Variants in ELMO1 observed in about 807,000 individuals in gnomAD.
ELMO1 encodes engulfment and cell motility protein 1.
Under a neutral mutation model 98.9 loss-of-function variants are expected in ELMO1, and 26 were observed. The observed-to-expected ratio is 0.26, with a 90% CI of 0.19 to 0.36. ELMO1 has a LOEUF of 0.36. Among genes scored for constraint, ELMO1 ranks in the 10% least tolerant of loss-of-function variants. The probability of loss-of-function intolerance (pLI) is 1.00; values close to 1 mark genes in which losing one functional copy is unlikely to be tolerated. For synonymous variants in ELMO1, 346 were observed against 346.0 expected, an observed-to-expected ratio of 1.00 and a Z score of 0.00; for missense variants, 627 against 935.2, an observed-to-expected ratio of 0.67 and a Z score of 4.30.
intron 13 of ELMO1, among the ~76,000 whole-genome samples, chr7:37,155,492 A>AT (rs1554427463): frequency 2.3e-4 from 34 of 148,132 alleles, no homozygotes; most frequent in Admixed American, 3.4e-4. Context: ...GAAAGCAAAA[A>AT]AAAAAAAAAA....
chr7:37,331,726 G>C (rs549955230), intron 2 of ELMO1, among the ~76,000 whole-genome samples: 3 of 152,094 alleles, frequency 2.0e-5, no homozygotes, highest in Admixed American at 6.5e-5. Context: ...AGATGTGACC[G>C]AGACCAGATG....
chr7:37,121,210 C>T (rs1020975031), intron 14 of ELMO1, among the ~76,000 whole-genome samples: 1 of 152,168 alleles, frequency 6.6e-6, no homozygotes, highest in Non-Finnish European at 1.5e-5. Flanking sequence ...TTCTAAAAAT[C>T]AGAGCGCCTC....
intron 8 of ELMO1, among the ~76,000 whole-genome samples, chr7:37,229,762 G>A (rs1283137881): frequency 2.6e-5 from 4 of 152,096 alleles, no homozygotes; most frequent in African/African-American, 7.2e-5. Context: ...TCATGTAACA[G>A]ATCTCTAAGT....
At chr7:37,369,429 A>G (rs1289652251) in intron 1 of ELMO1, among the ~76,000 whole-genome samples, 2 of 152,168 alleles carry the variant, frequency 1.3e-5, no homozygotes, top group Admixed American at 6.6e-5. Context: ...AAGCATTTCA[A>G]ATTTTGGATT....
chr7:37,392,328 C>T (rs1342872360), intron 1 of ELMO1, among the ~76,000 whole-genome samples: 2 of 152,144 alleles, frequency 1.3e-5, no homozygotes, highest in Non-Finnish European at 2.9e-5. Flanking sequence ...AATAAAGTGG[C>T]ATATGCCTCT....
intron 15 of ELMO1, among the ~76,000 whole-genome samples, chr7:37,047,455 C>T (rs973666759): frequency 2.0e-5 from 3 of 152,192 alleles, no homozygotes; most frequent in Non-Finnish European, 2.9e-5. Flanking sequence ...CTTACAAGCA[C>T]GAGAGATATG....
At chr7:36,888,201 C>T (rs779468018) in intron 17 of ELMO1, among the ~76,000 whole-genome samples, 2 of 152,146 alleles carry the variant, frequency 1.3e-5, no homozygotes, top group Admixed American at 6.5e-5. Flanking sequence ...ACAACACTGT[C>T]CCAGATTCTA....
intron 16 of ELMO1, among the ~76,000 whole-genome samples, chr7:36,945,650 T>A (rs1470902428): frequency 6.6e-6 from 1 of 152,132 alleles, no homozygotes; most frequent in Non-Finnish European, 1.5e-5. Flanking sequence ...ATCGGGCAAA[T>A]TTCCCCAGTG....
chr7:37,391,308 G>C (rs1019099922), intron 1 of ELMO1, among the ~76,000 whole-genome samples: 13 of 151,978 alleles, frequency 8.6e-5, no homozygotes, highest in Non-Finnish European at 1.8e-4. Context: ...GTAGAGATGG[G>C]GTTTCACCAT....
chr7:36,990,947 G>A (rs187110958), intron 16 of ELMO1, among the ~76,000 whole-genome samples: 242 of 152,090 alleles, frequency 1.6e-3, no homozygotes, highest in African/African-American at 5.2e-3. Flanking sequence ...TCCATTTACC[G>A]GGCACTAAGA....
At chr7:37,304,257 C>T (rs527633811) in intron 4 of ELMO1, among the ~76,000 whole-genome samples, 14 of 152,108 alleles carry the variant, frequency 9.2e-5, no homozygotes, top group African/African-American at 3.4e-4. Context: ...AGAGGGGTGA[C>T]GATGATGGAA....
intron 16 of ELMO1, among the ~76,000 whole-genome samples, chr7:36,998,578 A>C (rs1792395464): frequency 6.6e-6 from 1 of 152,022 alleles, no homozygotes; most frequent in Non-Finnish European, 1.5e-5. Context: ...TCTATCTTGC[A>C]TGTATGTTCA....
intron 1 of ELMO1, among the ~76,000 whole-genome samples, chr7:37,444,458 T>C (rs1236204137): frequency 6.6e-6 from 1 of 152,226 alleles, no homozygotes; most frequent in Non-Finnish European, 1.5e-5. Context: ...CTTGAGTTTC[T>C]AGTTCCTCCA....
chr7:37,365,746 C>G (rs560971347), intron 1 of ELMO1, among the ~76,000 whole-genome samples: 1 of 152,218 alleles, frequency 6.6e-6, no homozygotes, highest in Non-Finnish European at 1.5e-5. Flanking sequence ...TCCTTTCTTT[C>G]AGTCACTTAA....
intron 16 of ELMO1, among the ~76,000 whole-genome samples, chr7:36,972,369 G>T (rs1402177261): frequency 2.6e-5 from 4 of 152,244 alleles, no homozygotes; most frequent in Non-Finnish European, 5.9e-5. Context: ...TCCATGAAAA[G>T]AATCTGTGCT....
rs1482331064 is a variant in ELMO1 at position 36,853,079 on chromosome 7, T to TG, written c.*2471dup. Among the ~76,000 whole-genome samples the TG allele has an allele frequency of 6.6e-6, 1 of 151,952 alleles. No individual in the cohort carries two copies. Among genetic ancestry groups the TG allele is most frequent in the Non-Finnish European group, 1.5e-5 (1 of 67,988 alleles). On this transcript the variant is annotated 3_prime_UTR_variant, in exon 22 of 22. Coordinates refer to ENST00000310758, the MANE Select transcript of ELMO1 (RefSeq NM_014800.11). ...AGTTGGAGGTGGTAGGCTCATTGCA[T>TG]GGGAAAAAAAGCCTTGGGCAGCCTG...
intron 2 of ELMO1, among the ~76,000 whole-genome samples, chr7:37,330,494 G>A (rs532701384): frequency 4.6e-5 from 7 of 151,880 alleles, no homozygotes; most frequent in Admixed American, 4.6e-4. Context: ...CTTTATTTGA[G>A]GGGCATATGT....
intron 16 of ELMO1, among the ~76,000 whole-genome samples, chr7:36,922,825 G>C (rs1249919777): frequency 6.6e-6 from 1 of 152,160 alleles, no homozygotes; most frequent in Non-Finnish European, 1.5e-5. Context: ...AATAATGGCT[G>C]AGTGTTAGCC....
chr7:37,359,033 G>C (rs1294885244), intron 1 of ELMO1, among the ~76,000 whole-genome samples: 1 of 152,212 alleles, frequency 6.6e-6, no homozygotes, highest in Non-Finnish European at 1.5e-5. Context: ...TTCTATAACA[G>C]AATAGGTGGT....
Sources: allele counts gnomAD v4.1 joint callset (sites outside exome capture counted in the v4.1 genomes callset), GRCh38; gene constraint gnomAD v4.1.1; transcripts MANE v1.5; gene names NCBI Gene and HGNC (gene_info 2026-07-23, HGNC 2026-07-21).